Variants in MRPL48 observed in about 807,000 individuals in gnomAD.
MRPL48 encodes the protein large ribosomal subunit protein mL48.
Under a neutral mutation model 32.9 loss-of-function variants are expected in MRPL48, and 16 were observed. The observed-to-expected ratio is 0.49, with a 90% CI of 0.33 to 0.74. The LOEUF is 0.74. MRPL48 is among the 30% of genes least tolerant of loss of function. The pLI, the probability that MRPL48 is intolerant of heterozygous loss-of-function variation, is 0.02. For missense variants in MRPL48, 206 were observed against 245.3 expected (o/e 0.84, Z 1.07); for synonymous variants, 94 against 89.2 (o/e 1.05, Z -0.31).
intron 6 of MRPL48, among the ~76,000 whole-genome samples, chr11:73,861,106 A>C (rs1948578310): frequency 6.6e-6 from 1 of 152,230 alleles, no homozygotes; most frequent in Non-Finnish European, 1.5e-5. Context: ...GGAACATATC[A>C]GCAAGGTAAT....
At chr11:73,824,923 A>G (rs1334514291) in intron 3 of MRPL48, among the ~76,000 whole-genome samples, 2 of 152,182 alleles carry the variant, frequency 1.3e-5, no homozygotes, top group African/African-American at 4.8e-5. Flanking sequence ...TCCGTCCAGG[A>G]TCAAGAAATA....
At chr11:73,836,841 G>A (rs1429907841) in intron 4 of MRPL48, among the ~76,000 whole-genome samples, 2 of 152,178 alleles carry the variant, frequency 1.3e-5, no homozygotes, top group African/African-American at 4.8e-5. Context: ...GTCACACAGT[G>A]TCATGTAGTG....
At chr11:73,796,115 G>T (rs1225869863) in intron 1 of MRPL48, among the ~76,000 whole-genome samples, 2 of 152,266 alleles carry the variant, frequency 1.3e-5, no homozygotes, top group Non-Finnish European at 2.9e-5. Flanking sequence ...ACAAGTGGGA[G>T]CCCTGCCCCT....
intron 3 of MRPL48, among the ~76,000 whole-genome samples, chr11:73,819,480 G>A (rs1462372564): frequency 1.3e-5 from 2 of 152,076 alleles, no homozygotes; most frequent in African/African-American, 4.8e-5. Flanking sequence ...ATATATTGGA[G>A]GCATGATAGA....
intron 4 of MRPL48, among the ~76,000 whole-genome samples, chr11:73,831,390 C>CTGT (rs1947990381): frequency 6.6e-6 from 1 of 152,182 alleles, no homozygotes; most frequent in Admixed American, 6.5e-5. Context: ...TTCTCATACA[C>CTGT]CCATGCTCTT....
intron 1 of MRPL48, among the ~76,000 whole-genome samples, chr11:73,793,487 T>G (rs1947189776): frequency 6.6e-6 from 1 of 152,232 alleles, no homozygotes; most frequent in Non-Finnish European, 1.5e-5. Context: ...CAAGCAAGTC[T>G]GAGCAGTCAC....
intron 3 of MRPL48, among the ~76,000 whole-genome samples, chr11:73,815,899 T>A (rs1038737743): frequency 2.6e-5 from 4 of 151,332 alleles, no homozygotes; most frequent in Admixed American, 6.6e-5. Flanking sequence ...TTTATTTTTT[T>A]TTTTTTTATA....
chr11:73,801,559 T>C (rs1565403062), intron 1 of MRPL48, among the ~76,000 whole-genome samples: 1 of 152,210 alleles, frequency 6.6e-6, no homozygotes, highest in Non-Finnish European at 1.5e-5. Flanking sequence ...CCAATCTTCA[T>C]GGTTTTACAT....
intron 4 of MRPL48, among the ~76,000 whole-genome samples, chr11:73,826,595 C>T (rs1046681543): frequency 7.9e-5 from 12 of 152,080 alleles, no homozygotes; most frequent in Non-Finnish European, 1.6e-4. Context: ...TCTCATGCTT[C>T]AACCTCCCAA....
intron 3 of MRPL48, among the ~76,000 whole-genome samples, chr11:73,810,051 A>G (rs1416842883): frequency 6.6e-6 from 1 of 152,216 alleles, no homozygotes; most frequent in African/African-American, 2.4e-5. Flanking sequence ...AAGAGGATAT[A>G]GTCCTTGCTA....
intron 5 of MRPL48, among the ~76,000 whole-genome samples, chr11:73,858,899 A>C (rs893573443): frequency 2.0e-5 from 3 of 152,226 alleles, no homozygotes; most frequent in African/African-American, 4.8e-5. Flanking sequence ...AGCAGGACCA[A>C]CACTTGACTC....
At chr11:73,855,014 G>A (rs1052726159) in intron 5 of MRPL48, among the ~76,000 whole-genome samples, 1 of 152,042 alleles carries the variant, frequency 6.6e-6, no homozygotes, top group African/African-American at 2.4e-5. Context: ...ACCTTAAAAG[G>A]CTACAGTGAA....
intron 1 of MRPL48, among the ~76,000 whole-genome samples, chr11:73,794,409 G>A (rs190950101): frequency 3.3e-5 from 5 of 151,788 alleles, no homozygotes; most frequent in African/African-American, 1.2e-4. Context: ...TACAAAATTA[G>A]CTGGGCGTGG....
chr11:73,840,815 AAAAAT>A (rs1948174803), intron 4 of MRPL48, among the ~76,000 whole-genome samples: 2 of 152,264 alleles, frequency 1.3e-5, no homozygotes, highest in Non-Finnish European at 1.5e-5. Context: ...TGTCTCACAA[AAAAAT>A]AAAATAAAAT....
intron 3 of MRPL48, among the ~76,000 whole-genome samples, chr11:73,810,559 A>T (rs12804752): frequency 0.022 from 871 of 39,818 alleles, 10 homozygotes; most frequent in African/African-American, 0.15. Context: ...TTCTTTCTTT[A>T]TTTTTTTTTT....
chr11:73,813,871 C>T (rs1371672434), intron 3 of MRPL48, among the ~76,000 whole-genome samples: 1 of 151,714 alleles, frequency 6.6e-6, no homozygotes, highest in Non-Finnish European at 1.5e-5. Context: ...GAAACCCCGT[C>T]TCTACTAAAA....
At chr11:73,857,065 A>G (rs1948493074) in intron 5 of MRPL48, among the ~76,000 whole-genome samples, 1 of 151,768 alleles carries the variant, frequency 6.6e-6, no homozygotes, top group Non-Finnish European at 1.5e-5. Flanking sequence ...CCTTTGTCTT[A>G]CTGTAGTACA....
chr11:73,806,702 C>A (rs1947460149), intron 2 of MRPL48, among the ~76,000 whole-genome samples: 1 of 151,974 alleles, frequency 6.6e-6, no homozygotes, highest in South Asian at 2.1e-4. Context: ...TCATAGTGAC[C>A]TGGTAAAACA....
At chr11:73,800,980 T>G (rs1947353185) in intron 1 of MRPL48, among the ~76,000 whole-genome samples, 1 of 151,836 alleles carries the variant, frequency 6.6e-6, no homozygotes, top group African/African-American at 2.4e-5. Context: ...CCCGGCTAAT[T>G]TTGTATTTTT....
Sources: gnomAD v4.1 joint callset for allele counts (sites outside exome capture counted in the v4.1 genomes callset) on GRCh38, gnomAD v4.1.1 for gene constraint, MANE v1.5 for transcripts, NCBI Gene and HGNC (gene_info 2026-07-23, HGNC 2026-07-21) for gene names.